Variants in RAD51B observed in about 807,000 individuals in gnomAD.
The protein encoded by RAD51B is DNA repair protein RAD51 homolog 2.
Under a neutral mutation model 42.2 loss-of-function variants are expected in RAD51B, and 38 were observed. The observed-to-expected ratio is 0.90, with a 90% CI of 0.70 to 1.18. The LOEUF (loss-of-function observed/expected upper bound fraction) is 1.18, where lower values mean the gene tolerates loss of function less well. Among genes scored for constraint, RAD51B ranks in the 50% most tolerant of loss-of-function variants. The pLI is 0.00. For missense variants in RAD51B, 373 were observed against 400.7 expected, an observed-to-expected ratio of 0.93 and a Z score of 0.59; for synonymous variants, 154 against 145.2, an observed-to-expected ratio of 1.06 and a Z score of -0.43.
At chr14:68,340,453 C>A (rs1434192026) in intron 8 of RAD51B, among the ~76,000 whole-genome samples, 2 of 152,166 alleles carry the variant, frequency 1.3e-5, no homozygotes, top group Non-Finnish European at 2.9e-5. Flanking sequence ...CTAATAGAAA[C>A]TTACTCTTTT....
chr14:68,253,983 T>C (rs751430646), intron 7 of RAD51B, among the ~76,000 whole-genome samples: 9 of 152,230 alleles, frequency 5.9e-5, no homozygotes, highest in Non-Finnish European at 1.2e-4. Context: ...TAATTAACTC[T>C]ATTTTGTCTG....
intron 7 of RAD51B, among the ~76,000 whole-genome samples, chr14:68,249,286 G>A (rs576790867): frequency 6.6e-6 from 1 of 152,074 alleles, no homozygotes; most frequent in Non-Finnish European, 1.5e-5. Flanking sequence ...CTTGGGCTGC[G>A]GAAATACTTC....
intron 11 of RAD51B, among the ~76,000 whole-genome samples, chr14:68,660,597 G>A (rs778714388): frequency 6.6e-6 from 1 of 152,150 alleles, no homozygotes; most frequent in African/African-American, 2.4e-5. Flanking sequence ...CAGAGCATGC[G>A]GCAACAGACA....
chr14:67,963,455 G>C (rs540340088), intron 7 of RAD51B, among the ~76,000 whole-genome samples: 2 of 152,222 alleles, frequency 1.3e-5, no homozygotes, highest in South Asian at 4.1e-4. Flanking sequence ...ATATTTTAAA[G>C]AAAGTGATAC....
chr14:68,048,709 C>T (rs1435356925), intron 7 of RAD51B, among the ~76,000 whole-genome samples: 3 of 152,156 alleles, frequency 2.0e-5, no homozygotes, highest in South Asian at 4.1e-4. Flanking sequence ...CAGGAAACAA[C>T]AGGTGCTGGA....
intron 8 of RAD51B, among the ~76,000 whole-genome samples, chr14:68,327,750 T>A (rs569281654): frequency 6.6e-6 from 1 of 152,104 alleles, no homozygotes; most frequent in African/African-American, 2.4e-5. Context: ...ATAATATTCA[T>A]AAATTAAAGT....
intron 10 of RAD51B, among the ~76,000 whole-genome samples, chr14:68,572,782 C>G (rs1889772523): frequency 6.6e-6 from 1 of 152,188 alleles, no homozygotes; most frequent in Admixed American, 6.5e-5. Context: ...CTTCCCATCT[C>G]CAAATTGCCA....
intron 10 of RAD51B, among the ~76,000 whole-genome samples, chr14:68,552,401 G>A (rs1269909249): frequency 2.0e-5 from 3 of 152,160 alleles, no homozygotes; most frequent in African/African-American, 7.2e-5. Flanking sequence ...CTTCAGTCAT[G>A]TTGACAATCA....
chr14:68,547,042 T>C (rs1888273154), intron 10 of RAD51B, among the ~76,000 whole-genome samples: 1 of 152,192 alleles, frequency 6.6e-6, no homozygotes. Context: ...AACATTTTTT[T>C]TGTGCAACTC....
intron 7 of RAD51B, among the ~76,000 whole-genome samples, chr14:68,282,854 C>T (rs765841117): frequency 2.9e-4 from 44 of 152,156 alleles, no homozygotes; most frequent in Non-Finnish European, 1.2e-4. Flanking sequence ...GCAGTAAGCC[C>T]AGAGTTGCTT....
chr14:68,412,675 A>G (rs1291943265), intron 9 of RAD51B, among the ~76,000 whole-genome samples: 1 of 152,174 alleles, frequency 6.6e-6, no homozygotes, highest in Non-Finnish European at 1.5e-5. Flanking sequence ...GTTTCTATTC[A>G]GGGAAACATT....
At chr14:68,632,982 T>C (rs1231001225) in intron 10 of RAD51B, among the ~76,000 whole-genome samples, 7 of 90,262 alleles carry the variant, frequency 7.8e-5, no homozygotes, top group East Asian at 3.4e-4. Flanking sequence ...TTTTTTTTTT[T>C]TTTTTTTTTT....
chr14:68,581,343 T>G (rs539602541), intron 10 of RAD51B, among the ~76,000 whole-genome samples: 1 of 152,342 alleles, frequency 6.6e-6, no homozygotes, highest in East Asian at 1.9e-4. Flanking sequence ...TAGGTGATGT[T>G]GCCCAGCTCT....
intron 9 of RAD51B, chr14:68,422,065 T>G: frequency 6.5e-7 from 1 of 1,529,666 alleles, no homozygotes; most frequent in African/African-American, 1.4e-5. Flanking sequence ...AACCAAATCC[T>G]TTCTCTCCAG....
chr14:68,648,036 T>TATATATATATATATATATATAC (rs375269798), intron 10 of RAD51B, among the ~76,000 whole-genome samples: 21 of 114,006 alleles, frequency 1.8e-4, no homozygotes, highest in South Asian at 8.5e-4. Flanking sequence ...TATATATATA[T>TATATATATATATATATATATAC]ACACACGTAT....
chr14:68,541,485 G>A, intron 10 of RAD51B: 1 of 985,426 alleles, frequency 1.0e-6, no homozygotes, highest in Non-Finnish European at 1.2e-6. Context: ...CTGAAACAGT[G>A]GAAGGAGCCC....
At chr14:68,192,892 C>G (rs748184159) in intron 7 of RAD51B, among the ~76,000 whole-genome samples, 1 of 152,074 alleles carries the variant, frequency 6.6e-6, no homozygotes, top group Admixed American at 6.5e-5. Flanking sequence ...TTTTTCTGAT[C>G]AAGGAATTTA....
chr14:67,937,118 A>G (rs1022243415), intron 7 of RAD51B, among the ~76,000 whole-genome samples: 3 of 152,234 alleles, frequency 2.0e-5, no homozygotes, highest in African/African-American at 7.2e-5. Flanking sequence ...AAAGTAGTTT[A>G]GAAGGATTTG....
intron 7 of RAD51B, among the ~76,000 whole-genome samples, chr14:68,282,910 CCT>C (rs1162579424): frequency 2.0e-5 from 3 of 152,174 alleles, no homozygotes; most frequent in African/African-American, 7.2e-5. Flanking sequence ...ACCCGAGACT[CCT>C]CTGCTTCAAC....
Sources: gnomAD v4.1 joint callset for allele counts (sites outside exome capture counted in the v4.1 genomes callset) on GRCh38, gnomAD v4.1.1 for gene constraint, MANE v1.5 for transcripts, NCBI Gene and HGNC (gene_info 2026-07-23, HGNC 2026-07-21) for gene names.